The following BCR variants were observed in gnomAD, a reference collection of about 807,000 sequenced individuals.
BCR encodes the protein BCR activator of RhoGEF and GTPase.
A neutral mutation model predicts 138.6 loss-of-function variants in BCR; 58 were observed. That is an observed-to-expected ratio of 0.42 (90% CI 0.34 to 0.52). BCR has a LOEUF of 0.52. Among genes scored for constraint, BCR ranks in the 20% least tolerant of loss-of-function variants. The pLI, the probability that BCR is intolerant of heterozygous loss-of-function variation, is 0.06. For synonymous variants in BCR, 786 were observed against 730.1 expected (o/e 1.08, Z -1.23); for missense variants, 1,599 against 1,727.2 (o/e 0.93, Z 1.32).
intron 1 of BCR, among the ~76,000 whole-genome samples, chr22:23,203,544 G>A (rs906584177): frequency 6.6e-5 from 10 of 152,182 alleles, no homozygotes; most frequent in African/African-American, 1.9e-4. Context: ...GGTAATTCCC[G>A]ATTCCTTGAT....
At chr22:23,234,801 G>A (rs1218200786) in intron 1 of BCR, among the ~76,000 whole-genome samples, 5 of 143,968 alleles carry the variant, frequency 3.5e-5, no homozygotes, top group Admixed American at 2.1e-4. Context: ...GCGGGGGTGT[G>A]TGTGAGCTGG....
At chr22:23,257,670 C>A (rs1241882119) in intron 2 of BCR, among the ~76,000 whole-genome samples, 1 of 152,196 alleles carries the variant, frequency 6.6e-6, no homozygotes, top group Non-Finnish European at 1.5e-5. Context: ...AAAGACTCCA[C>A]CATTCATGAT....
At chr22:23,200,647 T>A (rs2072542436) in intron 1 of BCR, among the ~76,000 whole-genome samples, 1 of 152,148 alleles carries the variant, frequency 6.6e-6, no homozygotes. Flanking sequence ...AGCCTTGACC[T>A]CTCCAGGCTC....
At chr22:23,192,453 A>T (rs2072427878) in intron 1 of BCR, among the ~76,000 whole-genome samples, 1 of 152,218 alleles carries the variant, frequency 6.6e-6, no homozygotes, top group South Asian at 2.1e-4. Context: ...ACAGTCAGGC[A>T]GGCCTTCCAG....
chr22:23,184,549 C>T (rs947726886), intron 1 of BCR, among the ~76,000 whole-genome samples: 2 of 152,064 alleles, frequency 1.3e-5, no homozygotes, highest in African/African-American at 4.8e-5. Flanking sequence ...TACTCCCTAC[C>T]CCTACACCCC....
intron 1 of BCR, among the ~76,000 whole-genome samples, chr22:23,212,233 G>A (rs5996490): frequency 1.1e-3 from 174 of 152,292 alleles, no homozygotes; most frequent in African/African-American, 3.9e-3. Flanking sequence ...CCTACAGCCC[G>A]GAATCTGAGC....
intron 17 of BCR, 100 bp downstream of exon 17, chr22:23,309,583 G>A: frequency 5.6e-6 from 5 of 895,990 alleles, no homozygotes; most frequent in Non-Finnish European, 8.9e-6. Flanking sequence ...GCCTGAGGCA[G>A]CATCTGAGAG....
chr22:23,300,608 C>G (rs987966856), intron 16 of BCR, among the ~76,000 whole-genome samples: 1 of 152,134 alleles, frequency 6.6e-6, no homozygotes, highest in African/African-American at 2.4e-5. Flanking sequence ...AGTGGGCAGT[C>G]CAACAGGGAG....
intron 1 of BCR, chr22:23,216,958 TC>T: frequency 7.3e-6 from 3 of 409,896 alleles, no homozygotes; most frequent in South Asian, 5.2e-5. Flanking sequence ...GTACAGTGTG[TC>T]GCAAGTCTTG....
chr22:23,264,193 A>G (rs1436275985), intron 4 of BCR: 12 of 1,263,720 alleles, frequency 9.5e-6, no homozygotes, highest in African/African-American at 1.5e-5. Flanking sequence ...TCCTCCTTCT[A>G]TAGCGTTGTA....
intron 1 of BCR, chr22:23,243,028 GA>G (rs1302196837): frequency 5.7e-6 from 2 of 348,386 alleles, no homozygotes; most frequent in East Asian, 1.7e-4. Context: ...TTTGTCATTG[GA>G]TTTAGGGTCC....
chr22:23,241,407 G>A (rs573970374), intron 1 of BCR, among the ~76,000 whole-genome samples: 6 of 152,266 alleles, frequency 3.9e-5, no homozygotes, highest in East Asian at 1.9e-4. Flanking sequence ...GGTGTGCAGC[G>A]GCCATGGCCC....
At chr22:23,233,813 GAAAAA>G (rs59148522) in intron 1 of BCR, among the ~76,000 whole-genome samples, 1 of 142,800 alleles carries the variant, frequency 7.0e-6, no homozygotes, top group South Asian at 2.2e-4. Flanking sequence ...AGAAAAAAAA[GAAAAA>G]AAAAAAGAAG....
intron 2 of BCR, chr22:23,254,414 G>A (rs1323938260): frequency 2.0e-6 from 1 of 502,082 alleles, no homozygotes; most frequent in South Asian, 1.5e-5. Context: ...ATTTTCACTT[G>A]ACCCTCATTA....
intron 1 of BCR, among the ~76,000 whole-genome samples, chr22:23,237,711 C>T (rs377353127): frequency 7.9e-5 from 12 of 152,304 alleles, no homozygotes; most frequent in Admixed American, 4.6e-4. Context: ...CTGAGACGGG[C>T]GGCGTGAAGG....
chr22:23,297,684 C>T (rs538212261), intron 16 of BCR, among the ~76,000 whole-genome samples: 64 of 152,260 alleles, frequency 4.2e-4, no homozygotes, highest in Admixed American at 8.5e-4. Context: ...TTCAGCTCAT[C>T]AAACCAGGTA....
At chr22:23,291,973 G>A (rs1029508091) in intron 14 of BCR, among the ~76,000 whole-genome samples, 2 of 152,090 alleles carry the variant, frequency 1.3e-5, no homozygotes, top group Non-Finnish European at 2.9e-5. Flanking sequence ...ACCCCACCCT[G>A]CAACTTACCG....
intron 16 of BCR, among the ~76,000 whole-genome samples, chr22:23,298,986 C>T (rs1004981989): frequency 1.3e-5 from 2 of 152,152 alleles, no homozygotes; most frequent in East Asian, 1.9e-4. Flanking sequence ...CTGGGGCCTG[C>T]CCCTCTCCAA....
chr22:23,282,311 C>G (rs1440418580), intron 8 of BCR, among the ~76,000 whole-genome samples: 1 of 152,252 alleles, frequency 6.6e-6, no homozygotes, highest in Non-Finnish European at 1.5e-5. Context: ...CACCAGGCAG[C>G]CGTCTGCCCT....
Sources: allele counts gnomAD v4.1 joint callset (sites outside exome capture counted in the v4.1 genomes callset), GRCh38; gene constraint gnomAD v4.1.1; transcripts MANE v1.5; gene names NCBI Gene and HGNC (gene_info 2026-07-23, HGNC 2026-07-21).